Variants in LMBR1 observed in about 807,000 individuals in gnomAD.
LMBR1 encodes limb development membrane protein 1, also known as limb region 1 protein homolog.
In LMBR1, 52 loss-of-function variants were observed where a neutral mutation model predicts 73.9. The ratio of observed to expected loss-of-function variants is 0.70; its 90% CI spans 0.56 to 0.89. LMBR1 has a LOEUF of 0.89. Ranked by LOEUF, LMBR1 falls within the 40% of genes least tolerant of loss-of-function variation. The pLI, the probability that LMBR1 is intolerant of heterozygous loss-of-function variation, is 0.00. For missense variants in LMBR1, 539 were observed against 579.8 expected, an observed-to-expected ratio of 0.93 and a Z score of 0.72; for synonymous variants, 215 against 209.4, an observed-to-expected ratio of 1.03 and a Z score of -0.23.
At chr7:156,698,465 T>G (rs554944032) in intron 15 of LMBR1, among the ~76,000 whole-genome samples, 46 of 152,310 alleles carry the variant, frequency 3.0e-4, no homozygotes, top group Admixed American at 1.1e-3. Context: ...TGCAGCAAAC[T>G]TCTGCCTGGG....
intron 4 of LMBR1, among the ~76,000 whole-genome samples, chr7:156,817,947 T>G (rs1382844746): frequency 6.6e-6 from 1 of 152,188 alleles, no homozygotes; most frequent in Non-Finnish European, 1.5e-5. Context: ...AAGATATGAT[T>G]AATTTCCTAT....
At chr7:156,689,732 C>T (rs1054106397) in intron 15 of LMBR1, among the ~76,000 whole-genome samples, 7 of 152,142 alleles carry the variant, frequency 4.6e-5, no homozygotes, top group South Asian at 2.1e-4. Flanking sequence ...GAAGAGTACA[C>T]AGCATATGTC....
At chr7:156,843,639 A>G (rs1839095241) in intron 1 of LMBR1, among the ~76,000 whole-genome samples, 1 of 152,078 alleles carries the variant, frequency 6.6e-6, no homozygotes, top group Admixed American at 6.6e-5. Context: ...TGAGGTCAGG[A>G]GTTCAACACC....
intron 5 of LMBR1, among the ~76,000 whole-genome samples, chr7:156,780,792 G>C (rs145728352): frequency 4.0e-4 from 61 of 152,252 alleles, no homozygotes; most frequent in African/African-American, 1.3e-3. Flanking sequence ...TTCAATTCAG[G>C]TCTGTCAGCC....
At chr7:156,796,341 T>C (rs371653297) in intron 5 of LMBR1, 48 bp downstream of exon 5, 17 of 1,258,448 alleles carry the variant, frequency 1.4e-5, no homozygotes, top group African/African-American at 7.5e-5. Context: ...GTGAATGATA[T>C]TTAATTCCTC....
chr7:156,778,862 A>C (rs1349493616), intron 5 of LMBR1, among the ~76,000 whole-genome samples: 1 of 152,232 alleles, frequency 6.6e-6, no homozygotes, highest in Non-Finnish European at 1.5e-5. Context: ...GCATATAAGC[A>C]AAAAATATGC....
At chr7:156,864,218 CT>C (rs1298069170) in intron 1 of LMBR1, among the ~76,000 whole-genome samples, 8 of 152,240 alleles carry the variant, frequency 5.3e-5, no homozygotes, top group Admixed American at 5.2e-4. Flanking sequence ...ATTTACAAAG[CT>C]CTTCTAACCA....
chr7:156,734,342 A>G, intron 9 of LMBR1, 85 bp from the exon 10 acceptor site: 1 of 749,786 alleles, frequency 1.3e-6, no homozygotes, highest in South Asian at 2.4e-5. Context: ...ATCTAAAATA[A>G]CACATGGCAA....
At chr7:156,853,255 T>C (rs1391047120) in intron 1 of LMBR1, among the ~76,000 whole-genome samples, 1 of 152,196 alleles carries the variant, frequency 6.6e-6, no homozygotes, top group East Asian at 1.9e-4. Context: ...GCTTCATTTT[T>C]TATTGTAAGT....
At chr7:156,849,766 C>CT (rs1333124620) in intron 1 of LMBR1, among the ~76,000 whole-genome samples, 1 of 152,062 alleles carries the variant, frequency 6.6e-6, no homozygotes, top group African/African-American at 2.4e-5. Context: ...GATACATGTT[C>CT]TTATAAAATT....
chr7:156,833,583 G>GAACCAGTGCTAA lies in LMBR1; in HGVS notation c.179+169_179+170insTTAGCACTGGTT, dbSNP rs761099434. 229,532 of 570,892 alleles carry GAACCAGTGCTAA rather than the reference G, an allele frequency of 0.4. 48,684 individuals are homozygous for GAACCAGTGCTAA. Among genetic ancestry groups the GAACCAGTGCTAA allele is most frequent in the East Asian group, 0.68 (20,307 of 29,756 alleles). The allele number at this position is 570,892 out of a possible 1,614,324, so 35.4% of individuals were successfully genotyped here. A position where few individuals can be genotyped will look rare whatever the true frequency, so the allele number is the denominator to read the frequency against. ...ATATGCAAATTCCAATAGGAGATTG[G>GAACCAGTGCTAA]ATTATCCACACATATTTGCTTACAT... On this transcript the variant is annotated intron_variant, in intron 3 of 16. Transcript: ENST00000353442.
At chr7:156,833,607 A>C (rs910297371) in intron 3 of LMBR1, 146 bp downstream of exon 3, 1 of 568,496 alleles carries the variant, frequency 1.8e-6, no homozygotes, top group Non-Finnish European at 3.0e-6. Context: ...ATTTGCTTAC[A>C]TGTGCTTTCT....
chr7:156,703,810 G>A (rs1417582206), intron 15 of LMBR1, among the ~76,000 whole-genome samples: 1 of 152,050 alleles, frequency 6.6e-6, no homozygotes, highest in East Asian at 1.9e-4. Flanking sequence ...ATGGCATCCG[G>A]GCTCATGAGT....
intron 15 of LMBR1, among the ~76,000 whole-genome samples, chr7:156,692,653 T>G (rs183234604): frequency 6.6e-6 from 1 of 152,228 alleles, no homozygotes; most frequent in East Asian, 1.9e-4. Context: ...AAAGAGAGAC[T>G]GCAGTGTAGA....
chr7:156,864,036 C>T (rs1586311999), intron 1 of LMBR1, among the ~76,000 whole-genome samples: 1 of 152,202 alleles, frequency 6.6e-6, no homozygotes, highest in Admixed American at 6.5e-5. Context: ...CACCTGCAAT[C>T]CTAGCTACTC....
At chr7:156,780,358 T>A (rs1826908305) in intron 5 of LMBR1, among the ~76,000 whole-genome samples, 1 of 152,122 alleles carries the variant, frequency 6.6e-6, no homozygotes, top group Non-Finnish European at 1.5e-5. Context: ...TGCATTAAAA[T>A]TTGTAGGCAG....
At chr7:156,742,306 AT>A (rs1168608171) in intron 9 of LMBR1, among the ~76,000 whole-genome samples, 1 of 152,116 alleles carries the variant, frequency 6.6e-6, no homozygotes, top group Non-Finnish European at 1.5e-5. Context: ...AATAAATAAA[AT>A]TGAAATGAGG....
At chr7:156,862,664 T>C (rs762416516) in intron 1 of LMBR1, among the ~76,000 whole-genome samples, 2 of 152,278 alleles carry the variant, frequency 1.3e-5, no homozygotes, top group South Asian at 2.1e-4. Flanking sequence ...CACAGACTAG[T>C]GGGAAATTTC....
chr7:156,715,554 T>C (rs1813028346), intron 15 of LMBR1, among the ~76,000 whole-genome samples: 1 of 152,180 alleles, frequency 6.6e-6, no homozygotes, highest in Non-Finnish European at 1.5e-5. Context: ...TGATAGGAAG[T>C]ATATTCGCCA....
Sources: gnomAD v4.1 joint callset for allele counts (sites outside exome capture counted in the v4.1 genomes callset) on GRCh38, gnomAD v4.1.1 for gene constraint, MANE v1.5 for transcripts, NCBI Gene and HGNC (gene_info 2026-07-23, HGNC 2026-07-21) for gene names.